OXR1: variants seen among roughly 807,000 people sequenced by gnomAD.
The protein encoded by OXR1 is oxidation resistance 1.
A neutral mutation model predicts 104.6 loss-of-function variants in OXR1; 41 were observed. The ratio of observed to expected loss-of-function variants is 0.39; its 90% CI spans 0.31 to 0.51. The LOEUF (loss-of-function observed/expected upper bound fraction) is 0.51. Ranked by LOEUF, OXR1 falls within the 20% of genes least tolerant of loss-of-function variation. The pLI is 0.77. For missense variants in OXR1, 955 were observed against 1,031.9 expected (o/e 0.93, Z 1.02); for synonymous variants, 348 against 348.4 (o/e 1.00, Z 0.01).
chr8:106,675,340 G>A (rs745347479), intron 3 of OXR1, among the ~76,000 whole-genome samples: 29 of 152,256 alleles, frequency 1.9e-4, no homozygotes, highest in South Asian at 1.5e-3. Flanking sequence ...ATACATGTGT[G>A]TGCATGTATG....
intron 3 of OXR1, among the ~76,000 whole-genome samples, chr8:106,622,557 C>A (rs1177579662): frequency 2.6e-5 from 4 of 151,898 alleles, no homozygotes; most frequent in African/African-American, 4.8e-5. Context: ...ATTCCTTGAA[C>A]ACACCATGCC....
At chr8:106,694,459 A>T (rs28870517) in intron 7 of OXR1, among the ~76,000 whole-genome samples, 16,656 of 128,650 alleles carry the variant, frequency 0.13, 1,281 homozygotes, top group East Asian at 0.33. Context: ...TATATATTTG[A>T]TATATAAATA....
chr8:106,443,818 G>C (rs1242266282), intron 2 of OXR1, among the ~76,000 whole-genome samples: 7 of 152,064 alleles, frequency 4.6e-5, no homozygotes, highest in Admixed American at 1.3e-4. Flanking sequence ...AAAAGCAATT[G>C]CAACAAAAGC....
chr8:106,589,243 CCAGGTGGGAGAGAGTTCCATCG>C (rs1743323814), intron 3 of OXR1, among the ~76,000 whole-genome samples: 1 of 151,988 alleles, frequency 6.6e-6, no homozygotes, highest in South Asian at 2.1e-4. Context: ...AAGACACCCT[CCAGGTGGGAGAGAGTTCCATCG>C]CAGGGCACAC....
intron 2 of OXR1, among the ~76,000 whole-genome samples, chr8:106,455,551 C>T (rs1348920472): frequency 1.3e-5 from 2 of 151,630 alleles, no homozygotes; most frequent in Non-Finnish European, 2.9e-5. Flanking sequence ...GTCTGAATTC[C>T]TGATGTTAGT....
intron 3 of OXR1, among the ~76,000 whole-genome samples, chr8:106,520,316 G>A (rs1168074387): frequency 6.6e-6 from 1 of 151,336 alleles, no homozygotes; most frequent in Non-Finnish European, 1.5e-5. Context: ...TCCTAGAAAT[G>A]ATCATCAGGA....
intron 16 of OXR1, among the ~76,000 whole-genome samples, chr8:106,746,862 T>C (rs534990709): frequency 6.6e-6 from 1 of 152,280 alleles, no homozygotes; most frequent in East Asian, 1.9e-4. Flanking sequence ...CTCCAACAGG[T>C]CCACTCAATC....
At chr8:106,650,507 A>G (rs1052884034) in intron 3 of OXR1, among the ~76,000 whole-genome samples, 1 of 152,210 alleles carries the variant, frequency 6.6e-6, no homozygotes, top group Non-Finnish European at 1.5e-5. Flanking sequence ...CTTTCATAGG[A>G]GCTGAATGAC....
chr8:106,365,846 C>G (rs1461970969), intron 2 of OXR1, among the ~76,000 whole-genome samples: 1 of 152,102 alleles, frequency 6.6e-6, no homozygotes, highest in Non-Finnish European at 1.5e-5. Context: ...TTAATTTTGT[C>G]TTTAAAAACT....
chr8:106,467,590 G>A (rs1821242045), intron 2 of OXR1, among the ~76,000 whole-genome samples: 1 of 151,826 alleles, frequency 6.6e-6, no homozygotes, highest in Admixed American at 6.6e-5. Flanking sequence ...TCATTTTATT[G>A]TAAGCAGTAA....
chr8:106,728,499 T>C (rs1026101333), intron 11 of OXR1, among the ~76,000 whole-genome samples: 2 of 152,102 alleles, frequency 1.3e-5, no homozygotes, highest in African/African-American at 4.8e-5. Context: ...GTGAGTTAAT[T>C]TACATCTCAA....
At chr8:106,281,727 G>A (rs1812291570) in intron 1 of OXR1, among the ~76,000 whole-genome samples, 1 of 150,090 alleles carries the variant, frequency 6.7e-6, no homozygotes, top group South Asian at 2.1e-4. Context: ...TTGAACTTGG[G>A]AGGTGGAGGT....
chr8:106,718,205 T>C (rs776959), intron 11 of OXR1, among the ~76,000 whole-genome samples: 41,140 of 152,074 alleles, frequency 0.27, 6,212 homozygotes, highest in East Asian at 0.41. Flanking sequence ...ATCAGTACCC[T>C]AAAATATGTT....
chr8:106,404,799 A>G (rs1482619622), intron 2 of OXR1, among the ~76,000 whole-genome samples: 1 of 151,802 alleles, frequency 6.6e-6, no homozygotes, highest in Non-Finnish European at 1.5e-5. Flanking sequence ...TCCACCTCCC[A>G]GGTTCATGCC....
rs1293765425 is a variant in OXR1, at chr8:106,335,564, C to T, written c.-138-23912C>T. Among the ~76,000 whole-genome samples the T allele has an allele frequency of 2.0e-5, 3 of 152,034 alleles. No homozygotes were observed. The South Asian group carries it at 6.2e-4, about 32-fold the overall frequency. On this transcript the variant is annotated intron_variant, in intron 1 of 16. Coordinates refer to ENST00000517566, the MANE Select transcript of OXR1 (RefSeq NM_001198533.2). The stretch of plus-strand genomic sequence containing the variant: ...TTGAATCTTTCCTTCTTTTATCCCT[C>T]TTTCAGCCCATTCTATCTGCTTGGT...
intron 3 of OXR1, among the ~76,000 whole-genome samples, chr8:106,596,896 T>C (rs1318037016): frequency 1.3e-5 from 2 of 151,580 alleles, no homozygotes; most frequent in Non-Finnish European, 2.9e-5. Flanking sequence ...CTACTAACAA[T>C]ACAAAAATTA....
At chr8:106,742,171 C>T (rs1834972511) in intron 14 of OXR1, 51 bp from the exon 15 acceptor site, 4 of 987,674 alleles carry the variant, frequency 4.0e-6, no homozygotes, top group Admixed American at 3.5e-5. Flanking sequence ...ATAATGCTTA[C>T]TGGAATAAAT....
Position 106,298,864 on chromosome 8 carries a change from T to C in OXR1, c.-139+28497T>C, listed in dbSNP as rs1813114141. ...TCTGTCCAGATTGAAACACGTTCTT[T>C]TCTTTCCCCTTCAGTGACCCTGAAA... On this transcript the variant is annotated intron_variant, in intron 1 of 16. Transcript: ENST00000517566. 2.6e-5 allele frequency among the ~76,000 whole-genome samples: 4 copies of C among 152,152 alleles called. No homozygotes were observed. In the South Asian group the frequency reaches 8.3e-4, roughly 32 times the overall value.
Position 106,691,834 on chromosome 8 carries a change from A to G in OXR1, c.526-894A>G, listed in dbSNP as rs1346516750. 4.6e-5 allele frequency among the ~76,000 whole-genome samples: 7 copies of G among 150,990 alleles called. No individual in the cohort carries two copies. The East Asian group carries it at 1.4e-3, about 29-fold the overall frequency. On this transcript the variant is annotated intron_variant, in intron 6 of 16. Transcript: ENST00000517566. ...GAAGATTTGAAAGGGAAGCGATACA[A>G]TATTACAGTTAAGCTCACTGGTTTG...
Sources: allele counts gnomAD v4.1 joint callset (sites outside exome capture counted in the v4.1 genomes callset), GRCh38; gene constraint gnomAD v4.1.1; transcripts MANE v1.5; gene names NCBI Gene and HGNC (gene_info 2026-07-23, HGNC 2026-07-21).